ZNF567: variants seen among roughly 807,000 people sequenced by gnomAD.
ZNF567 encodes zinc finger protein 567.
ZNF567 carries 36 observed loss-of-function variants against 53.9 expected under a neutral mutation model. That is an observed-to-expected ratio of 0.67 (90% CI 0.51 to 0.88). The LOEUF (loss-of-function observed/expected upper bound fraction) is 0.88, where lower values mean the gene tolerates loss of function less well. Among genes scored for constraint, ZNF567 ranks in the 40% least tolerant of loss-of-function variants. ZNF567 has a pLI of 0.00. For missense variants in ZNF567, 619 were observed against 764.7 expected (o/e 0.81, Z 2.25); for synonymous variants, 224 against 260.4 (o/e 0.86, Z 1.35).
intron 2 of ZNF567, among the ~76,000 whole-genome samples, chr19:36,691,346 G>A (rs1395432906): frequency 6.6e-6 from 1 of 151,690 alleles, no homozygotes; most frequent in African/African-American, 2.4e-5. Flanking sequence ...TTTTATTTTT[G>A]TACAGTTGGG....
chr19:36,711,940 A>G (rs1005669829), intron 3 of ZNF567: 1 of 152,876 alleles, frequency 6.5e-6, no homozygotes, highest in Non-Finnish European at 1.5e-5. Flanking sequence ...TCCCTACAAT[A>G]TAAATCATAA....
At chr19:36,725,703 C>G (rs1468355280), downstream of ZNF567, among the ~76,000 whole-genome samples, 2 of 152,166 alleles carry the variant, frequency 1.3e-5, no homozygotes, top group Non-Finnish European at 2.9e-5. Flanking sequence ...GTCTGGAGTG[C>G]AGTGGCATGA....
At chr19:36,672,671 A>G in the ZNF567 span, among the ~76,000 whole-genome samples, 1 of 152,228 alleles carries the variant, frequency 6.6e-6, no homozygotes, top group Admixed American at 6.5e-5. Flanking sequence ...CCCTGGTGGC[A>G]GGCTGATACA....
At position 36,719,049 on chromosome 19, in the gene ZNF567, G is replaced by C. The variant is rs762017192; in HGVS notation, c.325G>C (p.Glu109Gln). The C allele has an allele frequency of 5.6e-6, 9 of 1,612,374 alleles. No homozygotes were observed. The highest frequency in any genetic ancestry group is 5.1e-6 in the Non-Finnish European group (6 of 1,179,594). The change falls in exon 6 of 6, where the codon GAG becomes CAG. Residue 109 changes from glutamate (E) to glutamine (Q), a missense_variant. Physicochemically the swap from Glu to Gln is conservative, Grantham distance 29. Transcript: ENST00000682579. ...CATCAACCACAAAAAACTGGTGAAG[G>C]AGAAGAGTAAAATATATGAAAAGAC... ...VSINHKKLVK[E>Q]KSKIYEKTFT...
At position 36,719,844 on chromosome 19, in the gene ZNF567, T is replaced by C. The variant is rs1256131014; in HGVS notation, c.1120T>C (p.Phe374Leu). 1 of 1,614,152 alleles carries C rather than the reference T, an allele frequency of 6.2e-7. No homozygotes were observed. Among genetic ancestry groups the C allele is most frequent in the South Asian group, 1.1e-5 (1 of 91,078 alleles). Residue 374 changes from phenylalanine (F) to leucine (L), a missense_variant, in exon 6 of 6, where the codon TTC (phenylalanine) becomes CTC (leucine). By Grantham distance (22) the Phe-to-Leu change is conservative. Coordinates refer to ENST00000682579, the MANE Select transcript of ZNF567 (RefSeq NM_001322917.1). ...PYECNDCGKS[F>L]RQKTTLSLHQ... ...TGAGTGTAATGACTGTGGGAAGTCC[T>C]TCCGCCAGAAGACAACACTCTCTCT...
the ZNF567 span, among the ~76,000 whole-genome samples, chr19:36,680,833 C>G: frequency 5.9e-5 from 9 of 152,170 alleles, no homozygotes; most frequent in Non-Finnish European, 1.2e-4. Flanking sequence ...GCTGCCTCTT[C>G]TTCCTCTGTC....
chr19:36,720,610 A>C lies in ZNF567; in HGVS notation c.1886A>C (p.Lys629Thr). 6.3e-7 allele frequency: 1 copy of C among 1,591,226 alleles called. No individual in the cohort carries two copies. Among genetic ancestry groups the C allele is most frequent in the African/African-American group, 1.4e-5 (1 of 74,010 alleles). ...CNECGKSFSYKRNLIVHQRTH... is the reference protein window; with the variant it reads ...CNECGKSFSYTRNLIVHQRTH... ...GAGTGTGGTAAGTCTTTCAGTTATA[A>C]GAGAAACCTCATTGTCCATCAAAGA... The change falls in exon 6 of 6, where the codon AAG becomes ACG. Residue 629 changes from lysine to threonine, a missense_variant. By Grantham distance (78) the Lys-to-Thr change is moderately conservative. Transcript: ENST00000682579.
intron 3 of ZNF567, among the ~76,000 whole-genome samples, chr19:36,707,799 G>A (rs540125342): frequency 3.9e-5 from 6 of 152,134 alleles, no homozygotes; most frequent in Non-Finnish European, 5.9e-5. Flanking sequence ...GGCTGGTTTC[G>A]AACTCCTGAC....
intron 5 of ZNF567, 75 bp from the exon 6 acceptor site, chr19:36,718,873 A>G (rs2040186319): frequency 1.6e-6 from 2 of 1,242,874 alleles, no homozygotes; most frequent in Non-Finnish European, 2.2e-6. Flanking sequence ...GCCATGTGCT[A>G]GACCCTAGTA....
intron 5 of ZNF567, among the ~76,000 whole-genome samples, chr19:36,714,731 C>T (rs1260017525): frequency 6.6e-6 from 1 of 152,190 alleles, no homozygotes; most frequent in African/African-American, 2.4e-5. Context: ...ATCATTCCTG[C>T]AATCAATCCT....
In ZNF567 at chr19:36,719,559, A is replaced by C; in HGVS notation, c.835A>C (p.Lys279Gln). The change falls in exon 6 of 6, where the codon AAA becomes CAA. Residue 279 changes from lysine (K) to glutamine (Q), a missense_variant. Lys to Gln is a moderately conservative substitution (Grantham distance 53). Coordinates refer to ENST00000682579, the MANE Select transcript of ZNF567 (RefSeq NM_001322917.1). ...ILHQGIHSEE[K>Q]PYQCHQCGNA... ...GCATCAGGGAATTCACTCAGAAGAA[A>C]AACCCTATCAATGTCATCAATGTGG... The C allele has an allele frequency of 3.1e-6, 5 of 1,614,178 alleles. No individual in the cohort carries two copies. Among genetic ancestry groups the C allele is most frequent in the Non-Finnish European group, 4.2e-6 (5 of 1,180,024 alleles).
chr19:36,722,966 G>A (rs1451044128), downstream of ZNF567, among the ~76,000 whole-genome samples: 1 of 149,628 alleles, frequency 6.7e-6, no homozygotes, highest in Non-Finnish European at 1.5e-5. Context: ...ATTTTTTAAA[G>A]TATACATTTT....
chr19:36,704,769 A>T (rs949836974), intron 3 of ZNF567, among the ~76,000 whole-genome samples: 9 of 152,210 alleles, frequency 5.9e-5, no homozygotes, highest in Non-Finnish European at 1.3e-4. Context: ...GAATTTATAT[A>T]GAATTGGTAT....
chr19:36,720,339 G>A lies in ZNF567; in HGVS notation c.1615G>A (p.Gly539Arg). Reference protein sequence around the residue: ...GEKPYVCNECGKSFRQKATLT... With the variant: ...GEKPYVCNECRKSFRQKATLT... ...GAAACCCTATGTTTGTAATGAATGT[G>A]GGAAGTCCTTTCGCCAGAAAGCAAC... The change falls in exon 6 of 6, where the codon GGG becomes AGG. Residue 539 changes from glycine (G) to arginine (R), a missense_variant. Gly to Arg is a moderately radical substitution (Grantham distance 125, BLOSUM62 -2). Transcript: ENST00000682579. 1 of 1,614,158 alleles carries A rather than the reference G, an allele frequency of 6.2e-7. No individual in the cohort carries two copies. Among genetic ancestry groups the A allele is most frequent in the Non-Finnish European group, 8.5e-7 (1 of 1,180,016 alleles).
chr19:36,672,841 C>T, the ZNF567 span, among the ~76,000 whole-genome samples: 1 of 152,156 alleles, frequency 6.6e-6, no homozygotes, highest in African/African-American at 2.4e-5. Context: ...TAAAGAACCA[C>T]AATCAGCTGA....
At chr19:36,694,780 T>C (rs559069331) in intron 2 of ZNF567, 22 bp from the exon 3 acceptor site, 1 of 1,359,700 alleles carries the variant, frequency 7.4e-7, no homozygotes, top group East Asian at 2.5e-5. Flanking sequence ...TGGCTTTTTT[T>C]GTCTCGGCTT....
chr19:36,719,617 A>T lies in ZNF567; in HGVS notation c.893A>T (p.Asp298Val). ...TTTAGAAGGAAATCATATCTCATTG[A>T]TCATCAGAGAACTCACACAGGAGAG... ...NAFRRKSYLI[D>V]HQRTHTGEKP... Residue 298 changes from aspartate (D) to valine (V), a missense_variant, in exon 6 of 6, where the codon GAT becomes GTT. Transcript: ENST00000682579. The T allele has an allele frequency of 6.2e-7, 1 of 1,614,048 alleles. No homozygotes were observed. The highest frequency in any genetic ancestry group is 8.5e-7 in the Non-Finnish European group (1 of 1,179,912).
In ZNF567 at chr19:36,718,958, G is replaced by T. The variant is rs1257180986; in HGVS notation, c.234G>T (p.Trp78Cys). Residue 78 changes from tryptophan (W) to cysteine (C), a missense_variant, in exon 6 of 6, where the codon TGG (tryptophan) becomes TGT (cysteine). By Grantham distance (215) the Trp-to-Cys change is radical. Coordinates refer to ENST00000682579, the MANE Select transcript of ZNF567 (RefSeq NM_001322917.1). ...FAGHTCLEEN[W>C]KAEDFLVKFK... ...TATATTCTTTTCTAGAAGAAAACTGGAAAGCTGAAGACTTTTTAGTGAAAT... is the reference window on the plus strand; with the variant it reads ...TATATTCTTTTCTAGAAGAAAACTGTAAAGCTGAAGACTTTTTAGTGAAAT... The T allele has an allele frequency of 2.6e-6, 4 of 1,556,334 alleles. No homozygotes were observed. Among genetic ancestry groups the T allele is most frequent in the Non-Finnish European group, 3.5e-6 (4 of 1,158,936 alleles).
At chr19:36,712,726 C>T in intron 4 of ZNF567, 55 bp from the exon 5 acceptor site, 1 of 1,548,186 alleles carries the variant, frequency 6.5e-7, no homozygotes, top group Non-Finnish European at 8.9e-7. Context: ...CCCCTTTCCT[C>T]ATTTTTCAGT....
Sources: gnomAD v4.1 joint callset for allele counts (sites outside exome capture counted in the v4.1 genomes callset) on GRCh38, gnomAD v4.1.1 for gene constraint, MANE v1.5 for transcripts, NCBI Gene and HGNC (gene_info 2026-07-23, HGNC 2026-07-21) for gene names.